The following PELI1 variants were observed in gnomAD, a reference collection of about 807,000 sequenced individuals.
PELI1 encodes the protein pellino E3 ubiquitin protein ligase 1, also known as E3 ubiquitin-protein ligase pellino homolog 1.
In PELI1, 15 loss-of-function variants were observed where a neutral mutation model predicts 41.3. The ratio of observed to expected loss-of-function variants is 0.36; its 90% confidence interval spans 0.24 to 0.56. The LOEUF is 0.56. Ranked by LOEUF, PELI1 falls within the 20% of genes least tolerant of loss-of-function variation. PELI1 has a pLI of 0.82. For missense variants in PELI1, 403 were observed against 525.5 expected, an observed-to-expected ratio of 0.77 and a Z score of 2.28; for synonymous variants, 178 against 180.1, an observed-to-expected ratio of 0.99 and a Z score of 0.09.
chr2:64,127,127 C>T (rs1681416114), intron 1 of PELI1, among the ~76,000 whole-genome samples: 2 of 152,124 alleles, frequency 1.3e-5, no homozygotes, highest in African/African-American at 4.8e-5. Flanking sequence ...TCCCTTAACG[C>T]CTATTAATTT....
At chr2:64,111,919 G>T (rs181241045) in intron 1 of PELI1, among the ~76,000 whole-genome samples, 37 of 152,116 alleles carry the variant, frequency 2.4e-4, no homozygotes, top group Admixed American at 5.2e-4. Flanking sequence ...CATCAAACAT[G>T]AAAACAATGC....
chr2:64,113,025 C>T (rs1422448601), intron 1 of PELI1, among the ~76,000 whole-genome samples: 1 of 151,992 alleles, frequency 6.6e-6, no homozygotes, highest in Non-Finnish European at 1.5e-5. Flanking sequence ...TGCCCGTAAT[C>T]CCAGCACTTT....
At chr2:64,123,297 A>C (rs535905737) in intron 1 of PELI1, among the ~76,000 whole-genome samples, 2 of 152,360 alleles carry the variant, frequency 1.3e-5, no homozygotes, top group South Asian at 2.1e-4. Context: ...TTGGCTGTTC[A>C]TACTCCCACT....
intron 4 of PELI1, 33 bp from the exon 5 acceptor site, chr2:64,096,643 T>C: frequency 7.0e-7 from 1 of 1,421,328 alleles, no homozygotes; most frequent in African/African-American, 1.4e-5. Flanking sequence ...TATAAACCCA[T>C]TCAAAGAGCA....
intron 2 of PELI1, among the ~76,000 whole-genome samples, chr2:64,106,949 A>G (rs896302845): frequency 1.3e-5 from 2 of 152,102 alleles, no homozygotes; most frequent in African/African-American, 2.4e-5. Context: ...TTTTTTCGAG[A>G]CGGAGTCTTG....
chr2:64,113,204 A>C (rs1337043340), intron 1 of PELI1, among the ~76,000 whole-genome samples: 1 of 151,636 alleles, frequency 6.6e-6, no homozygotes, highest in Non-Finnish European at 1.5e-5. Flanking sequence ...CAGAAAGCTG[A>C]GGTGGGAGGA....
chr2:64,108,228 G>A lies in PELI1; in HGVS notation c.71+12C>T. Reference sequence around the variant, plus strand: ...ATTAAACTGTGTGTGTCATCAAATGGAGAAACCTTACCCTAAGACAATGAG... The same window carrying A: ...ATTAAACTGTGTGTGTCATCAAATGAAGAAACCTTACCCTAAGACAATGAG... On this transcript the variant is annotated intron_variant, in intron 2 of 6. Coordinates refer to ENST00000358912, the MANE Select transcript of PELI1 (RefSeq NM_020651.4). 6.8e-7 allele frequency: 1 copy of A among 1,476,156 alleles called. No homozygotes were observed. The highest frequency in any genetic ancestry group is 9.5e-7 in the Non-Finnish European group (1 of 1,056,116). 91.4% of individuals were successfully genotyped at this position (1,476,156 alleles called of 1,614,324 possible).
At chr2:64,132,982 A>T (rs1016657729) in intron 1 of PELI1, among the ~76,000 whole-genome samples, 1 of 152,208 alleles carries the variant, frequency 6.6e-6, no homozygotes, top group African/African-American at 2.4e-5. Context: ...TGAAGACACT[A>T]ACCAGGTTAA....
At chr2:64,108,109 TAC>T in intron 2 of PELI1, 129 bp downstream of exon 2, 1 of 611,974 alleles carries the variant, frequency 1.6e-6, no homozygotes, top group Non-Finnish European at 2.9e-6. Flanking sequence ...TTGGTAACAT[TAC>T]CTGTAGCTTT....
intron 1 of PELI1, among the ~76,000 whole-genome samples, chr2:64,125,992 G>A (rs570849928): frequency 6.6e-6 from 1 of 152,292 alleles, no homozygotes; most frequent in Admixed American, 6.5e-5. Flanking sequence ...ATATATGCAA[G>A]TATTCCAAAA....
chr2:64,111,882 T>C (rs1305422451), intron 1 of PELI1, among the ~76,000 whole-genome samples: 1 of 152,220 alleles, frequency 6.6e-6, no homozygotes, highest in East Asian at 1.9e-4. Context: ...AGCTGTGCTT[T>C]TTCTGTTTAG....
chr2:64,114,704 T>C (rs932434591), intron 1 of PELI1, among the ~76,000 whole-genome samples: 23 of 152,176 alleles, frequency 1.5e-4, no homozygotes, highest in African/African-American at 5.1e-4. Flanking sequence ...TACTGACATT[T>C]TGACATTGTG....
At position 64,109,628 on chromosome 2, in the gene PELI1, C is replaced by T. The variant is rs570257547; in HGVS notation, c.-69-1249G>A. On this transcript the variant is annotated intron_variant, in intron 1 of 6. Transcript: ENST00000358912. Reference sequence around the variant, plus strand: ...CCGGGAGGAGGAGGTTGCAGTGAGCCGAGATCAGTGCCACTGCACTCCAAC... The same window carrying T: ...CCGGGAGGAGGAGGTTGCAGTGAGCTGAGATCAGTGCCACTGCACTCCAAC... Among the ~76,000 whole-genome samples the T allele has an allele frequency of 8.9e-4, 135 of 152,160 alleles. 1 individual carries two copies. The highest frequency in any genetic ancestry group is 3.2e-3 in the African/African-American group (132 of 41,518).
At chr2:64,112,841 T>C (rs751393580) in intron 1 of PELI1, among the ~76,000 whole-genome samples, 3 of 152,200 alleles carry the variant, frequency 2.0e-5, no homozygotes, top group Non-Finnish European at 2.9e-5. Context: ...CTTTTTTTTT[T>C]ATGTGTTCTC....
At chr2:64,125,703 A>C (rs921290988) in intron 1 of PELI1, among the ~76,000 whole-genome samples, 13 of 152,214 alleles carry the variant, frequency 8.5e-5, no homozygotes, top group African/African-American at 3.1e-4. Flanking sequence ...TAACTAATAT[A>C]CCTAGGTTAA....
intron 1 of PELI1, among the ~76,000 whole-genome samples, chr2:64,117,345 A>ATT (rs556250754): frequency 1.7e-4 from 24 of 145,294 alleles, no homozygotes; most frequent in African/African-American, 3.2e-4. Context: ...AGTAAGTTCT[A>ATT]TTTTTTTTTT....
At position 64,095,978 on chromosome 2, in the gene PELI1, T is replaced by C. The variant is rs1360481119; in HGVS notation, c.690+147A>G. The C allele has an allele frequency of 9.4e-6, 6 of 635,240 alleles. No individual in the cohort carries two copies. In the Admixed American group the frequency reaches 1.2e-4, roughly 13 times the overall value. 39.4% of individuals were successfully genotyped at this position (635,240 alleles called of 1,614,324 possible). A position where few individuals can be genotyped will look rare whatever the true frequency, so the allele number is the denominator to read the frequency against. On this transcript the variant is annotated intron_variant, in intron 6 of 6. Coordinates refer to ENST00000358912, the MANE Select transcript of PELI1 (RefSeq NM_020651.4). The stretch of plus-strand genomic sequence containing the variant: ...ATATTAAAGAGACTGTCCTCTAGTA[T>C]AGAATTTGGTAGTCAGTGTTTGATA...
rs1376293769 is a variant in PELI1, at chr2:64,108,141, G to GT, written c.71+98dup. ...AGCTTTAAATTCTTTTTGGAAGCAG[G>GT]TAAGATATAAATTCCAAAAAAAAAA... On this transcript the variant is annotated intron_variant, in intron 2 of 6. Transcript: ENST00000358912. 4.5e-6 allele frequency: 3 copies of GT among 667,364 alleles called. No individual in the cohort carries two copies. In the African/African-American group the frequency reaches 5.5e-5, roughly 12 times the overall value. 41.3% of individuals were successfully genotyped at this position (667,364 alleles called of 1,614,324 possible).
chr2:64,097,949 A>G (rs1337547948), intron 4 of PELI1, among the ~76,000 whole-genome samples: 2 of 152,096 alleles, frequency 1.3e-5, no homozygotes, highest in Non-Finnish European at 2.9e-5. Flanking sequence ...TCTTTGAAAC[A>G]AAAAATATTC....
Sources: gnomAD v4.1 joint callset for allele counts (sites outside exome capture counted in the v4.1 genomes callset) on GRCh38, gnomAD v4.1.1 for gene constraint, MANE v1.5 for transcripts, NCBI Gene and HGNC (gene_info 2026-07-23, HGNC 2026-07-21) for gene names.